The following TMEM117 variants were observed in gnomAD, a reference collection of about 807,000 sequenced individuals.
The protein encoded by TMEM117 is transmembrane protein 117.
A neutral mutation model predicts 52.4 loss-of-function variants in TMEM117; 27 were observed. That is an observed-to-expected ratio of 0.51 (90% CI 0.38 to 0.71). The LOEUF is 0.71. TMEM117 is among the 30% of genes least tolerant of loss of function. TMEM117 has a pLI of 0.00. For synonymous variants in TMEM117, 215 were observed against 206.3 expected (o/e 1.04, Z -0.36); for missense variants, 556 against 630.5 (o/e 0.88, Z 1.26).
Position 43,886,127 on chromosome 12 carries a change from G to C in TMEM117, c.277+41199G>C, listed in dbSNP as rs146816404. Reference sequence around the variant, plus strand: ...AGTAATAATTTAGATAGATGGTATAGATCACTTTGGCAGCAGAAAGAAGGA... The same window carrying C: ...AGTAATAATTTAGATAGATGGTATACATCACTTTGGCAGCAGAAAGAAGGA... On this transcript the variant is annotated intron_variant, in intron 2 of 7. Transcript: ENST00000266534. 1.1e-3 allele frequency among the ~76,000 whole-genome samples: 164 copies of C among 152,294 alleles called. 1 individual carries two copies. The highest frequency in any genetic ancestry group is 1.8e-3 in the Non-Finnish European group (124 of 68,022).
downstream of TMEM117, among the ~76,000 whole-genome samples, chr12:44,391,112 A>G (rs1191156353): frequency 6.6e-6 from 1 of 152,180 alleles, no homozygotes; most frequent in Admixed American, 6.6e-5. Context: ...ATAAACAATT[A>G]TATTTCTACT....
the TMEM117 span, among the ~76,000 whole-genome samples, chr12:43,818,710 T>G: frequency 1.3e-5 from 2 of 152,222 alleles, no homozygotes; most frequent in Non-Finnish European, 2.9e-5. Context: ...CTCAAAGTGC[T>G]GGGATTACAG....
intron 2 of TMEM117, among the ~76,000 whole-genome samples, chr12:43,920,983 C>T (rs553336822): frequency 5.1e-4 from 77 of 152,218 alleles, no homozygotes; most frequent in African/African-American, 1.7e-3. Context: ...TCCACTTCTA[C>T]GCTTTTACTT....
At chr12:43,916,925 T>C (rs997098899) in intron 2 of TMEM117, among the ~76,000 whole-genome samples, 1 of 152,154 alleles carries the variant, frequency 6.6e-6, no homozygotes, top group African/African-American at 2.4e-5. Context: ...TGGTCCATCC[T>C]TCTCCCCTGC....
intron 3 of TMEM117, among the ~76,000 whole-genome samples, chr12:44,027,520 T>G (rs1946561978): frequency 6.6e-6 from 1 of 152,128 alleles, no homozygotes; most frequent in Non-Finnish European, 1.5e-5. Flanking sequence ...ATAGAATAGG[T>G]CAGTAATATA....
chr12:44,358,968 T>G (rs891603398), intron 6 of TMEM117, among the ~76,000 whole-genome samples: 1 of 152,158 alleles, frequency 6.6e-6, no homozygotes, highest in Non-Finnish European at 1.5e-5. Flanking sequence ...ATATAGCACC[T>G]TTCTCTAAGG....
At chr12:44,287,186 G>C (rs1950648989) in intron 5 of TMEM117, among the ~76,000 whole-genome samples, 1 of 152,074 alleles carries the variant, frequency 6.6e-6, no homozygotes, top group Non-Finnish European at 1.5e-5. Flanking sequence ...CAACAATTGA[G>C]GAAAAGGAAA....
At chr12:44,296,515 A>G (rs991804224) in intron 5 of TMEM117, among the ~76,000 whole-genome samples, 4 of 152,134 alleles carry the variant, frequency 2.6e-5, no homozygotes, top group Non-Finnish European at 5.9e-5. Context: ...CCTGAGGCCT[A>G]TTTCTGGGAG....
intron 5 of TMEM117, among the ~76,000 whole-genome samples, chr12:44,234,577 GT>G (rs1242327903): frequency 2.7e-5 from 4 of 150,906 alleles, no homozygotes; most frequent in African/African-American, 9.7e-5. Flanking sequence ...TTTATTGCAT[GT>G]TTCTTTATTT....
At chr12:43,827,683 A>G in the TMEM117 span, among the ~76,000 whole-genome samples, 1 of 152,180 alleles carries the variant, frequency 6.6e-6, no homozygotes, top group African/African-American at 2.4e-5. Flanking sequence ...CATATAGATG[A>G]GGGATAGTTG....
At chr12:44,002,724 C>T (rs1007741235) in intron 3 of TMEM117, among the ~76,000 whole-genome samples, 1 of 152,156 alleles carries the variant, frequency 6.6e-6, no homozygotes, top group African/African-American at 2.4e-5. Context: ...TTGAGAGTTT[C>T]CCTGGCTCCC....
At chr12:43,906,448 G>C (rs1422436165) in intron 2 of TMEM117, among the ~76,000 whole-genome samples, 1 of 135,352 alleles carries the variant, frequency 7.4e-6, no homozygotes, top group South Asian at 2.7e-4. Flanking sequence ...GGGTGAGGGA[G>C]TGAGACGCTG....
intron 3 of TMEM117, among the ~76,000 whole-genome samples, chr12:44,107,386 A>T (rs1947975530): frequency 6.6e-6 from 1 of 152,112 alleles, no homozygotes; most frequent in Non-Finnish European, 1.5e-5. Flanking sequence ...AGGAAAAATT[A>T]GTCTCAGGTT....
At chr12:44,344,508 A>G (rs1951458831) in intron 6 of TMEM117, among the ~76,000 whole-genome samples, 1 of 151,998 alleles carries the variant, frequency 6.6e-6, no homozygotes, top group South Asian at 2.1e-4. Flanking sequence ...AGAATATCAA[A>G]CTACTGTCCA....
intron 3 of TMEM117, among the ~76,000 whole-genome samples, chr12:43,952,566 A>C (rs1286873901): frequency 6.6e-6 from 1 of 152,098 alleles, no homozygotes; most frequent in Non-Finnish European, 1.5e-5. Context: ...TCTTGCTGAA[A>C]TAAGGCAGGC....
chr12:44,365,294 A>T (rs1019346812), intron 6 of TMEM117, among the ~76,000 whole-genome samples: 1 of 151,942 alleles, frequency 6.6e-6, no homozygotes, highest in Non-Finnish European at 1.5e-5. Context: ...GTAGCAAAAA[A>T]TCCTAAGAAA....
chr12:44,237,129 G>T (rs1036352710), intron 5 of TMEM117, among the ~76,000 whole-genome samples: 1 of 151,922 alleles, frequency 6.6e-6, no homozygotes, highest in Non-Finnish European at 1.5e-5. Flanking sequence ...TGTTTTGCAG[G>T]CTTTTTAGTT....
At chr12:44,273,367 AATATAC>A (rs1460550411) in intron 5 of TMEM117, among the ~76,000 whole-genome samples, 1 of 150,188 alleles carries the variant, frequency 6.7e-6, no homozygotes, top group Admixed American at 6.6e-5. Context: ...AAGTATAATA[AATATAC>A]ATATATATAT....
chr12:44,272,133 T>G (rs1950454257), intron 5 of TMEM117, among the ~76,000 whole-genome samples: 1 of 152,124 alleles, frequency 6.6e-6, no homozygotes, highest in Non-Finnish European at 1.5e-5. Context: ...CTGTTGGTGG[T>G]ATGTATATTG....
Sources: gnomAD v4.1 joint callset for allele counts (sites outside exome capture counted in the v4.1 genomes callset) on GRCh38, gnomAD v4.1.1 for gene constraint, MANE v1.5 for transcripts, NCBI Gene and HGNC (gene_info 2026-07-23, HGNC 2026-07-21) for gene names.